Variants in KLB observed in about 807,000 individuals in gnomAD.
The protein encoded by KLB is klotho beta, also known as beta-klotho.
KLB carries 44 observed loss-of-function variants against 88.4 expected under a neutral mutation model. The ratio of observed to expected loss-of-function variants is 0.50; its 90% CI spans 0.39 to 0.64. The LOEUF (loss-of-function observed/expected upper bound fraction) is 0.64, where lower values mean the gene tolerates loss of function less well. KLB is among the 30% of genes least tolerant of loss of function. The pLI, the probability that KLB is intolerant of heterozygous loss-of-function variation, is 0.00. For missense variants in KLB, 1,137 were observed against 1,304.8 expected, an observed-to-expected ratio of 0.87 and a Z score of 1.98; for synonymous variants, 548 against 513.4, an observed-to-expected ratio of 1.07 and a Z score of -0.91.
At chr4:39,416,670 C>T (rs1023956541) in intron 1 of KLB, among the ~76,000 whole-genome samples, 4 of 131,880 alleles carry the variant, frequency 3.0e-5, no homozygotes, top group Admixed American at 8.4e-5. Flanking sequence ...CCTGTAGTTA[C>T]CGCTACTGGG....
chr4:39,426,023 C>T (rs997888557), intron 1 of KLB, among the ~76,000 whole-genome samples: 44 of 151,930 alleles, frequency 2.9e-4, no homozygotes, highest in African/African-American at 3.4e-4. Flanking sequence ...GAGGCCGAGG[C>T]GGGCGGATCA....
Position 39,434,331 on chromosome 4 carries a change from T to C in KLB, c.947T>C (p.Ile316Thr). 1 of 1,614,186 alleles carries C rather than the reference T, an allele frequency of 6.2e-7. No individual in the cohort carries two copies. The change falls in exon 2 of 5, where the codon ATA (isoleucine) becomes ACA (threonine). Residue 316 changes from isoleucine to threonine, a missense_variant. By Grantham distance (89) the Ile-to-Thr change is moderately conservative. Transcript: ENST00000257408. ...AACCGGTCGGAAAACACGATGGATA[T>C]ATTCAAATGTCAACAATCCATGGTT... is the stretch of plus-strand genomic sequence containing the variant. ...EPNRSENTMD[I>T]FKCQQSMVSV...
intron 1 of KLB, among the ~76,000 whole-genome samples, chr4:39,430,412 A>AG (rs1743320529): frequency 6.6e-6 from 1 of 150,784 alleles, no homozygotes; most frequent in African/African-American, 2.4e-5. Flanking sequence ...CTAATTAGAA[A>AG]AAAAAAAAAG....
At chr4:39,428,428 CAAA>C (rs35029761) in intron 1 of KLB, among the ~76,000 whole-genome samples, 104 of 136,168 alleles carry the variant, frequency 7.6e-4, no homozygotes, top group Admixed American at 7.9e-4. Context: ...AACTACGTCT[CAAA>C]AAAAAAAAAA....
intron 1 of KLB, among the ~76,000 whole-genome samples, chr4:39,417,718 T>C (rs1432764060): frequency 6.6e-6 from 1 of 152,230 alleles, no homozygotes; most frequent in Non-Finnish European, 1.5e-5. Context: ...AAATTACTAT[T>C]GTAAGAACTT....
intron 1 of KLB, among the ~76,000 whole-genome samples, chr4:39,424,660 T>G (rs968126777): frequency 2.7e-5 from 4 of 149,128 alleles, no homozygotes; most frequent in African/African-American, 1.0e-4. Context: ...GAGATGGAGC[T>G]TCGCACTGTT....
At chr4:39,427,851 G>T (rs62310826) in intron 1 of KLB, among the ~76,000 whole-genome samples, 9,688 of 152,230 alleles carry the variant, frequency 0.064, 370 homozygotes, top group East Asian at 0.1. Context: ...TTTTAGCTCA[G>T]TAGAATGAAG....
At position 39,407,426 on chromosome 4, in the gene KLB, C is replaced by T. The variant is rs939141971; in HGVS notation, c.477C>T (p.Phe159=). The change falls in exon 1 of 5, where the codon TTC becomes TTT. Residue 159 remains phenylalanine (F), a synonymous_variant. Transcript: ENST00000257408. ...TTTCAATTTCCTGGCCAAGGCTTTT[C>T]CCCGATGGAATAGTAACAGTTGCCA... The part of the protein sequence containing the change: ...YQFSISWPRL[F]PDGIVTVANA... 1 of 1,614,074 alleles carries T rather than the reference C, an allele frequency of 6.2e-7. No homozygotes were observed. The highest frequency in any genetic ancestry group is 1.1e-5 in the South Asian group (1 of 91,078).
chr4:39,440,654 T>A (rs778838469), intron 3 of KLB, among the ~76,000 whole-genome samples: 9 of 152,110 alleles, frequency 5.9e-5, no homozygotes. Flanking sequence ...GCCTCCCGTG[T>A]TCGTGCAATT....
intron 2 of KLB, among the ~76,000 whole-genome samples, chr4:39,436,097 G>T (rs1481126400): frequency 6.6e-6 from 1 of 152,218 alleles, no homozygotes; most frequent in East Asian, 1.9e-4. Flanking sequence ...GTGGCTGATA[G>T]AAACAACGGA....
chr4:39,408,261 T>C (rs1742770019), intron 1 of KLB, among the ~76,000 whole-genome samples: 1 of 152,138 alleles, frequency 6.6e-6, no homozygotes, highest in African/African-American at 2.4e-5. Flanking sequence ...AATACAGAAA[T>C]TTAAATATAC....
intron 1 of KLB, among the ~76,000 whole-genome samples, chr4:39,418,321 A>G (rs1460466761): frequency 6.6e-6 from 1 of 151,906 alleles, no homozygotes; most frequent in East Asian, 1.9e-4. Flanking sequence ...GCTCACTGCA[A>G]CCTCCACCTC....
intron 3 of KLB, among the ~76,000 whole-genome samples, chr4:39,442,526 C>T (rs535776440): frequency 1.6e-4 from 25 of 151,728 alleles, no homozygotes; most frequent in Middle Eastern, 3.4e-3. Context: ...CTCTGCCTCC[C>T]GGGTTCAAGA....
chr4:39,451,466 CAT>C lies in KLB; in HGVS notation c.*2781_*2782del, dbSNP rs1199640687. 11 of 152,210 alleles carry C rather than the reference CAT, an allele frequency of 7.2e-5. No individual in the cohort carries two copies. The highest frequency in any genetic ancestry group is 1.5e-4 in the Non-Finnish European group (10 of 68,040). 9.4% of individuals were successfully genotyped at this position (152,210 alleles called of 1,614,324 possible). On this transcript the variant is annotated 3_prime_UTR_variant, in exon 5 of 5. Coordinates refer to ENST00000257408, the MANE Select transcript of KLB (RefSeq NM_175737.4). ...AAATGAGGCCAGTACAGTGTGACTA[CAT>C]GTTTAATTTTCAATGTAATTTATTC...
chr4:39,447,189 C>G lies in KLB; in HGVS notation c.2463C>G (p.Cys821Trp). The change falls in exon 4 of 5, where the codon TGC (cysteine) becomes TGG (tryptophan). Residue 821 changes from cysteine (C) to tryptophan (W), a missense_variant. Cys to Trp is a radical substitution (Grantham distance 215). Transcript: ENST00000257408. ...TGCTCAAGGGCACGGTCGACTTCTGCGCGCTCAACCACTTCACCACTAGGT... is the reference window on the plus strand; with the variant it reads ...TGCTCAAGGGCACGGTCGACTTCTGGGCGCTCAACCACTTCACCACTAGGT... ...RRLLKGTVDF[C>W]ALNHFTTRFV... The G allele has an allele frequency of 6.2e-7, 1 of 1,613,978 alleles. No individual in the cohort carries two copies. Among genetic ancestry groups the G allele is most frequent in the South Asian group, 1.1e-5 (1 of 91,084 alleles).
At chr4:39,424,932 A>G (rs115301780) in intron 1 of KLB, among the ~76,000 whole-genome samples, 2 of 152,070 alleles carry the variant, frequency 1.3e-5, no homozygotes, top group South Asian at 2.1e-4. Flanking sequence ...CCAGGCCTCC[A>G]TGGTGGTTTA....
At chr4:39,421,805 G>A (rs1487086444) in intron 1 of KLB, among the ~76,000 whole-genome samples, 1 of 151,626 alleles carries the variant, frequency 6.6e-6, no homozygotes, top group Non-Finnish European at 1.5e-5. Context: ...GGAGCTCAGT[G>A]GTGCGATCAG....
In KLB at chr4:39,437,798, G is replaced by C; in HGVS notation, c.1408G>C (p.Asp470His). The C allele has an allele frequency of 6.2e-7, 1 of 1,614,106 alleles. No individual in the cohort carries two copies. The highest frequency in any genetic ancestry group is 8.5e-7 in the Non-Finnish European group (1 of 1,179,996). ...TCTCCTGGATGGCTTTGAATGGCAG[G>C]ATGCTTACACCATCCGCCGAGGATT... ...WSLLDGFEWQDAYTIRRGLFY... is the reference protein window; with the variant it reads ...WSLLDGFEWQHAYTIRRGLFY... The change falls in exon 3 of 5, where the codon GAT (aspartate) becomes CAT (histidine). Residue 470 changes from aspartate to histidine, a missense_variant. This residue lies in a region of KLB where 597 missense variants were observed against 765.2 expected (regional missense o/e 0.78). Coordinates refer to ENST00000257408, the MANE Select transcript of KLB (RefSeq NM_175737.4).
chr4:39,448,746 CTTACAGGAGATATACCTGTA>C lies in KLB; in HGVS notation c.*64_*83del. ...TCATCCCAGTTCCATATGCTGGTAACTTACAGGAGATATACCTGTATTATAGAAAGACAATCTGAGATACA... is the reference window on the plus strand; with the variant it reads ...TCATCCCAGTTCCATATGCTGGTAACTTATAGAAAGACAATCTGAGATACA... On this transcript the variant is annotated 3_prime_UTR_variant, in exon 5 of 5. Transcript: ENST00000257408. 1 of 1,474,886 alleles carries C rather than the reference CTTACAGGAGATATACCTGTA, an allele frequency of 6.8e-7. No individual in the cohort carries two copies. Among genetic ancestry groups the C allele is most frequent in the Non-Finnish European group, 9.2e-7 (1 of 1,092,130 alleles). The allele number at this position is 1,474,886 out of a possible 1,614,324, so 91.4% of individuals were successfully genotyped here.
Sources: gnomAD v4.1 joint callset for allele counts (sites outside exome capture counted in the v4.1 genomes callset) on GRCh38, gnomAD v4.1.1 for gene constraint, gnomAD v4.1.1 regional missense constraint, MANE v1.5 for transcripts, NCBI Gene and HGNC (gene_info 2026-07-23, HGNC 2026-07-21) for gene names.